Variants in DPP10 observed in about 807,000 individuals in gnomAD.
DPP10 encodes inactive dipeptidyl peptidase 10.
In DPP10, 33 loss-of-function variants were observed where a neutral mutation model predicts 120.9. That is an observed-to-expected ratio of 0.27 (90% CI 0.21 to 0.37). The LOEUF is 0.37. DPP10 is among the 10% of genes least tolerant of loss of function. The pLI, the probability that DPP10 is intolerant of heterozygous loss-of-function variation, is 1.00. For synonymous variants in DPP10, 337 were observed against 326.1 expected, an observed-to-expected ratio of 1.03 and a Z score of -0.36; for missense variants, 816 against 942.8, an observed-to-expected ratio of 0.87 and a Z score of 1.76.
intron 19 of DPP10, among the ~76,000 whole-genome samples, chr2:115,804,182 C>T (rs548896054): frequency 3.9e-5 from 6 of 152,246 alleles, no homozygotes; most frequent in Admixed American, 6.5e-5. Context: ...TCATTCATTT[C>T]GTCTTCTATC....
chr2:115,042,008 C>CTTTTTTTTTTT (rs5833573), intron 1 of DPP10, among the ~76,000 whole-genome samples: 7 of 80,310 alleles, frequency 8.7e-5, no homozygotes, highest in East Asian at 4.2e-4. Context: ...TCTATCTTAT[C>CTTTTTTTTTTT]TTTTTTTTTT....
chr2:115,526,052 C>T (rs537215675), intron 5 of DPP10, 80 bp downstream of exon 5: 13 of 1,155,096 alleles, frequency 1.1e-5, no homozygotes, highest in Admixed American at 2.3e-5. Flanking sequence ...TCAGCTATAA[C>T]TCACCTAAGC....
intron 1 of DPP10, among the ~76,000 whole-genome samples, chr2:114,986,601 A>G (rs1269267436): frequency 2.0e-5 from 3 of 152,222 alleles, no homozygotes; most frequent in Non-Finnish European, 4.4e-5. Context: ...ATGAACATGA[A>G]TTCATTTAAA....
chr2:115,377,615 G>C (rs1197482839), intron 3 of DPP10, among the ~76,000 whole-genome samples: 1 of 152,170 alleles, frequency 6.6e-6, no homozygotes, highest in Non-Finnish European at 1.5e-5. Context: ...TTTTAGACAT[G>C]AAGTCCTTGC....
chr2:114,814,578 A>T (rs879528559), intron 1 of DPP10, among the ~76,000 whole-genome samples: 9 of 152,078 alleles, frequency 5.9e-5, no homozygotes, highest in Non-Finnish European at 8.8e-5. Context: ...CGTTTGAGGC[A>T]CCCGATAGCT....
intron 1 of DPP10, among the ~76,000 whole-genome samples, chr2:114,714,189 T>C (rs998921616): frequency 1.1e-4 from 16 of 151,782 alleles, no homozygotes; most frequent in African/African-American, 3.9e-4. Flanking sequence ...CTCGGGAGTT[T>C]CCTAAAGTCA....
chr2:115,749,640 C>G (rs959203632), intron 10 of DPP10, among the ~76,000 whole-genome samples: 1 of 152,138 alleles, frequency 6.6e-6, no homozygotes, highest in Non-Finnish European at 1.5e-5. Flanking sequence ...ACCCTTCTGA[C>G]AAGTAATGCA....
At chr2:115,057,522 T>A (rs1225702155) in intron 1 of DPP10, among the ~76,000 whole-genome samples, 2 of 152,156 alleles carry the variant, frequency 1.3e-5, no homozygotes, top group Non-Finnish European at 2.9e-5. Context: ...AGAGGCTCAG[T>A]GGATTGCTAA....
intron 5 of DPP10, among the ~76,000 whole-genome samples, chr2:115,578,410 A>G (rs2081814132): frequency 6.6e-6 from 1 of 152,000 alleles, no homozygotes; most frequent in Non-Finnish European, 1.5e-5. Context: ...AACTGCTAAA[A>G]TTTTCATGCC....
At chr2:115,355,197 T>C (rs566541856) in intron 3 of DPP10, among the ~76,000 whole-genome samples, 1 of 152,338 alleles carries the variant, frequency 6.6e-6, no homozygotes, top group East Asian at 1.9e-4. Context: ...AGTGTTCCTA[T>C]TTCTCCACAG....
chr2:115,102,594 A>G (rs2048743192), intron 1 of DPP10, among the ~76,000 whole-genome samples: 1 of 151,982 alleles, frequency 6.6e-6, no homozygotes, highest in African/African-American at 2.4e-5. Context: ...TATTTTTAGT[A>G]GAGACGAGGT....
intron 5 of DPP10, among the ~76,000 whole-genome samples, chr2:115,584,101 T>G (rs898149354): frequency 6.6e-6 from 1 of 152,248 alleles, no homozygotes; most frequent in African/African-American, 2.4e-5. Flanking sequence ...TTTCCCAAAC[T>G]GCTGCAATTC....
At chr2:115,815,066 T>C (rs895007170) in intron 20 of DPP10, 79 bp downstream of exon 20, 1 of 1,325,528 alleles carries the variant, frequency 7.5e-7, no homozygotes, top group Non-Finnish European at 1.0e-6. Context: ...TTACTAACCC[T>C]GACTCAAGGC....
At chr2:115,409,027 G>A (rs1181648585) in intron 3 of DPP10, among the ~76,000 whole-genome samples, 1 of 151,544 alleles carries the variant, frequency 6.6e-6, no homozygotes, top group African/African-American at 2.4e-5. Context: ...CATTTTTAAA[G>A]ATAAAGGAAG....
At chr2:114,761,823 G>T (rs1001251479) in intron 1 of DPP10, among the ~76,000 whole-genome samples, 1 of 152,016 alleles carries the variant, frequency 6.6e-6, no homozygotes, top group African/African-American at 2.4e-5. Flanking sequence ...CCTCCTCCTA[G>T]GAATTCCAAA....
Position 114,831,022 on chromosome 2 carries a change from ATTTTTTTTTTTTTTTTT to A in DPP10, c.60+388204_60+388220del, listed in dbSNP as rs70941010. Reference sequence around the variant, plus strand: ...GGAATATTTAAACATCCATGCAAAGATTTTTTTTTTTTTTTTTTTTTTTTTTTTTTTTTTTTGCTAAA... The same window carrying A: ...GGAATATTTAAACATCCATGCAAAGATTTTTTTTTTTTTTTTTTTGCTAAA... On this transcript the variant is annotated intron_variant, in intron 1 of 25. Transcript: ENST00000410059. Among the ~76,000 whole-genome samples the A allele has an allele frequency of 2.3e-3, 106 of 45,984 alleles. 2 individuals carry two copies. The highest frequency in any genetic ancestry group is 4.9e-3 in the Admixed American group (13 of 2,632). 30.2% of individuals were successfully genotyped at this position (45,984 alleles called of 152,430 possible). A position where few individuals can be genotyped will look rare whatever the true frequency, so the allele number is the denominator to read the frequency against.
intron 1 of DPP10, among the ~76,000 whole-genome samples, chr2:114,611,622 A>C (rs1409374462): frequency 6.6e-6 from 1 of 152,242 alleles, no homozygotes; most frequent in African/African-American, 2.4e-5. Flanking sequence ...GATACATTTG[A>C]AAAACAACTT....
At position 115,675,575 on chromosome 2, in the gene DPP10, C is replaced by A. The variant is rs560960753; in HGVS notation, c.442-14112C>A. On this transcript the variant is annotated intron_variant, in intron 5 of 25. Coordinates refer to ENST00000410059, the MANE Select transcript of DPP10 (RefSeq NM_020868.6). ...GCAAAGAATCTGGCCAAGATTGGCT[C>A]AGAGCCAAGAGGTACTCCCCATTTC... 1.4e-3 allele frequency among the ~76,000 whole-genome samples: 212 copies of A among 152,268 alleles called. 1 individual carries two copies. Among genetic ancestry groups the A allele is most frequent in the Non-Finnish European group, 2.2e-3 (148 of 68,022 alleles).
At chr2:115,224,845 G>A (rs1409657940) in intron 1 of DPP10, among the ~76,000 whole-genome samples, 9 of 151,974 alleles carry the variant, frequency 5.9e-5, no homozygotes, top group Non-Finnish European at 1.0e-4. Flanking sequence ...AATGCTTACC[G>A]CATGTTGAAC....
Sources: allele counts gnomAD v4.1 joint callset (sites outside exome capture counted in the v4.1 genomes callset), GRCh38; gene constraint gnomAD v4.1.1; transcripts MANE v1.5; gene names NCBI Gene and HGNC (gene_info 2026-07-23, HGNC 2026-07-21).